Variants in ST6GALNAC3 observed in about 807,000 individuals in gnomAD.
The protein encoded by ST6GALNAC3 is alpha-N-acetylgalactosaminide alpha-2,6-sialyltransferase 3.
Under a neutral mutation model 32.7 loss-of-function variants are expected in ST6GALNAC3, and 25 were observed. The ratio of observed to expected loss-of-function variants is 0.76; its 90% confidence interval spans 0.56 to 1.07. ST6GALNAC3 has a LOEUF of 1.07. Ranked by LOEUF, ST6GALNAC3 falls within the 50% of genes least tolerant of loss-of-function variation. The pLI is 0.00. For synonymous variants in ST6GALNAC3, 129 were observed against 133.1 expected, an observed-to-expected ratio of 0.97 and a Z score of 0.21; for missense variants, 355 against 382.4, an observed-to-expected ratio of 0.93 and a Z score of 0.60.
chr1:76,115,871 C>T (rs960589932), intron 1 of ST6GALNAC3, among the ~76,000 whole-genome samples: 2 of 151,992 alleles, frequency 1.3e-5, no homozygotes, highest in African/African-American at 4.8e-5. Context: ...TAGGATTTGG[C>T]CTTGTTCACT....
chr1:76,182,350 A>G (rs1263551992), intron 1 of ST6GALNAC3, among the ~76,000 whole-genome samples: 1 of 152,220 alleles, frequency 6.6e-6, no homozygotes, highest in East Asian at 1.9e-4. Context: ...AAGTCTAGAC[A>G]ATAGTCTTTT....
chr1:76,132,154 A>G (rs990313376), intron 1 of ST6GALNAC3, among the ~76,000 whole-genome samples: 6 of 152,114 alleles, frequency 3.9e-5, no homozygotes, highest in African/African-American at 1.4e-4. Context: ...CCCACAGGGC[A>G]CAGAGCTGCA....
intron 1 of ST6GALNAC3, among the ~76,000 whole-genome samples, chr1:76,274,185 C>T (rs1659010141): frequency 6.6e-6 from 1 of 152,154 alleles, no homozygotes; most frequent in Non-Finnish European, 1.5e-5. Flanking sequence ...TGCATATGTG[C>T]ACCTGTGGGT....
At chr1:76,098,928 C>T (rs979395013) in intron 1 of ST6GALNAC3, among the ~76,000 whole-genome samples, 1 of 151,988 alleles carries the variant, frequency 6.6e-6, no homozygotes, top group African/African-American at 2.4e-5. Flanking sequence ...GATTTAAAAT[C>T]TATTTCGATT....
intron 1 of ST6GALNAC3, among the ~76,000 whole-genome samples, chr1:76,290,271 T>C (rs1435117415): frequency 1.3e-5 from 2 of 152,218 alleles, no homozygotes; most frequent in Non-Finnish European, 2.9e-5. Flanking sequence ...AAGTACACTA[T>C]TGCTGTGTAG....
chr1:76,140,023 G>A (rs1433765201), intron 1 of ST6GALNAC3, among the ~76,000 whole-genome samples: 1 of 152,152 alleles, frequency 6.6e-6, no homozygotes, highest in Admixed American at 6.5e-5. Context: ...TCATTTAGAT[G>A]TATCTATCAA....
intron 3 of ST6GALNAC3, among the ~76,000 whole-genome samples, chr1:76,560,503 C>T (rs1431574023): frequency 6.6e-6 from 1 of 151,932 alleles, no homozygotes; most frequent in Non-Finnish European, 1.5e-5. Context: ...TCTAATAATC[C>T]AATTAAAAAA....
chr1:76,106,502 G>A (rs1025789573), intron 1 of ST6GALNAC3, among the ~76,000 whole-genome samples: 1 of 152,190 alleles, frequency 6.6e-6, no homozygotes, highest in South Asian at 2.1e-4. Flanking sequence ...CTTCAGTGCT[G>A]TGCCTTGTGC....
intron 2 of ST6GALNAC3, among the ~76,000 whole-genome samples, chr1:76,325,596 G>GAA (rs139532750): frequency 0.018 from 2,781 of 151,086 alleles, 76 homozygotes; most frequent in African/African-American, 0.064. Flanking sequence ...TTGGATTGAA[G>GAA]AAAGTTAGCT....
intron 3 of ST6GALNAC3, among the ~76,000 whole-genome samples, chr1:76,615,440 C>A (rs906147881): frequency 2.0e-5 from 3 of 152,072 alleles, no homozygotes; most frequent in Non-Finnish European, 4.4e-5. Context: ...TAACAGCTTT[C>A]AGAGTTCAGC....
At chr1:76,162,220 A>C (rs1015183768) in intron 1 of ST6GALNAC3, among the ~76,000 whole-genome samples, 4 of 152,210 alleles carry the variant, frequency 2.6e-5, no homozygotes, top group African/African-American at 9.7e-5. Flanking sequence ...GGTTATTGTG[A>C]GAATAAATAA....
intron 1 of ST6GALNAC3, among the ~76,000 whole-genome samples, chr1:76,204,079 C>T (rs1041254910): frequency 1.3e-5 from 2 of 152,180 alleles, no homozygotes; most frequent in African/African-American, 2.4e-5. Flanking sequence ...CTGCTAACCA[C>T]CAATCTGCTC....
chr1:76,343,520 G>T (rs1294526447), intron 2 of ST6GALNAC3, among the ~76,000 whole-genome samples: 1 of 152,166 alleles, frequency 6.6e-6, no homozygotes, highest in East Asian at 1.9e-4. Flanking sequence ...GCATGGAAAA[G>T]TAGTCTAGGG....
intron 3 of ST6GALNAC3, among the ~76,000 whole-genome samples, chr1:76,625,875 C>A (rs750217508): frequency 6.6e-6 from 1 of 151,734 alleles, no homozygotes; most frequent in African/African-American, 2.4e-5. Context: ...CCAGAAGATG[C>A]GAAGGAATGG....
Position 76,585,932 on chromosome 1 carries a change from C to T in ST6GALNAC3, c.624-41520C>T, listed in dbSNP as rs188669415. Among the ~76,000 whole-genome samples the T allele has an allele frequency of 2.2e-4, 33 of 152,306 alleles. No individual in the cohort carries two copies. In the East Asian group the frequency reaches 6.4e-3, roughly 29 times the overall value. Reference sequence around the variant, plus strand: ...CCTGCAAAAATCAACTAACCTATCTCACTTCAATCCATTTCAAATATTTAG... The same window carrying T: ...CCTGCAAAAATCAACTAACCTATCTTACTTCAATCCATTTCAAATATTTAG... On this transcript the variant is annotated intron_variant, in intron 3 of 4. Transcript: ENST00000328299.
chr1:76,198,318 G>C (rs1654325285), intron 1 of ST6GALNAC3, among the ~76,000 whole-genome samples: 1 of 152,216 alleles, frequency 6.6e-6, no homozygotes, highest in East Asian at 1.9e-4. Flanking sequence ...TTACAGGTGT[G>C]AGCCACCATA....
chr1:76,458,454 T>C (rs1658013505), intron 3 of ST6GALNAC3, among the ~76,000 whole-genome samples: 1 of 115,464 alleles, frequency 8.7e-6, no homozygotes, highest in African/African-American at 3.7e-5. Context: ...ATTGCGGCAT[T>C]ATTCACAATA....
intron 2 of ST6GALNAC3, among the ~76,000 whole-genome samples, chr1:76,409,360 T>C (rs942708460): frequency 1.2e-4 from 19 of 152,268 alleles, no homozygotes; most frequent in African/African-American, 4.3e-4. Flanking sequence ...CAAGTTTTTT[T>C]CAAAAGTTTT....
chr1:76,189,882 A>C (rs189354862), intron 1 of ST6GALNAC3, among the ~76,000 whole-genome samples: 34 of 152,266 alleles, frequency 2.2e-4, no homozygotes, highest in African/African-American at 6.3e-4. Context: ...AGGGCCATTA[A>C]GTGGGGACCG....
Sources: gnomAD v4.1 joint callset for allele counts (sites outside exome capture counted in the v4.1 genomes callset) on GRCh38, gnomAD v4.1.1 for gene constraint, MANE v1.5 for transcripts, NCBI Gene and HGNC (gene_info 2026-07-23, HGNC 2026-07-21) for gene names.